The following SPDL1 variants were observed in gnomAD, a reference collection of about 807,000 sequenced individuals.
SPDL1 encodes the protein protein Spindly.
SPDL1 carries 85 observed loss-of-function variants against 79.5 expected under a neutral mutation model. The observed-to-expected ratio is 1.07, with a 90% confidence interval of 0.90 to 1.28. The LOEUF (loss-of-function observed/expected upper bound fraction) is 1.28, where lower values mean the gene tolerates loss of function less well. Ranked by LOEUF, SPDL1 falls within the 50% of genes most tolerant of loss-of-function variation. The pLI is 0.00. For synonymous variants in SPDL1, 269 were observed against 240.3 expected (o/e 1.12, Z -1.10); for missense variants, 703 against 697.8 (o/e 1.01, Z -0.08).
intron 1 of SPDL1, among the ~76,000 whole-genome samples, chr5:169,587,857 C>T (rs116139370): frequency 3.5e-4 from 53 of 152,216 alleles, no homozygotes; most frequent in African/African-American, 1.1e-3. Context: ...GCTAGGACTA[C>T]GGGGGCTTGC....
chr5:169,594,372 A>C (rs1444019915), intron 5 of SPDL1, 22 bp from the exon 6 acceptor site: 3 of 1,613,372 alleles, frequency 1.9e-6, no homozygotes, highest in Non-Finnish European at 1.7e-6. Flanking sequence ...CTGTTGCCTA[A>C]ATTGTTTTCT....
chr5:169,603,390 C>T (rs1430212865), intron 11 of SPDL1, among the ~76,000 whole-genome samples: 4 of 152,098 alleles, frequency 2.6e-5, no homozygotes, highest in African/African-American at 9.7e-5. Context: ...TCTATTCATG[C>T]AGCCCAAGAT....
In SPDL1 at chr5:169,604,411, G is replaced by C; in HGVS notation, c.*204G>C. On this transcript the variant is annotated 3_prime_UTR_variant, in exon 12 of 12. Transcript: ENST00000265295. ...TTCTTAAGTGATGCCCCTTCATGGA[G>C]CTTCTATGACAGTGAATAAACTATT... The C allele has an allele frequency of 2.7e-6, 1 of 366,906 alleles. No individual in the cohort carries two copies. The highest frequency in any genetic ancestry group is 7.0e-4 in the Middle Eastern group (1 of 1,438). The allele number at this position is 366,906 out of a possible 1,614,324, so 22.7% of individuals were successfully genotyped here.
chr5:169,587,871 C>T (rs1051395688), intron 1 of SPDL1, among the ~76,000 whole-genome samples: 4 of 152,124 alleles, frequency 2.6e-5, no homozygotes, highest in African/African-American at 4.8e-5. Flanking sequence ...GGCTTGCCAC[C>T]ATCCCCACCT....
At position 169,594,682 on chromosome 5, in the gene SPDL1, G is replaced by A. The variant is rs752117276; in HGVS notation, c.891+1G>A. 3.1e-6 allele frequency: 5 copies of A among 1,602,988 alleles called. No homozygotes were observed. The highest frequency in any genetic ancestry group is 2.2e-5 in the East Asian group (1 of 44,772). On this transcript the variant is annotated splice_donor_variant, in intron 7 of 11. Transcript: ENST00000265295. LOFTEE classifies it high-confidence loss of function. ...CAGAGAACAGATGCAGAGAATGAAG[G>A]TATAGAACTTTCACTATCAAAGGTT...
chr5:169,586,339 C>A (rs1420330952), intron 1 of SPDL1: 2 of 152,358 alleles, frequency 1.3e-5, no homozygotes, highest in Non-Finnish European at 2.9e-5. Flanking sequence ...TATTGCCTTC[C>A]AGGACAACAC....
rs138692498 is a variant in SPDL1 at position 169,587,388 on chromosome 5, G to A, written c.-23-1006G>A. 4.6e-5 allele frequency: 7 copies of A among 152,272 alleles called. No individual in the cohort carries two copies. In the East Asian group the frequency reaches 7.7e-4, roughly 17 times the overall value. The allele number at this position is 152,272 out of a possible 1,614,324, so 9.4% of individuals were successfully genotyped here. A position where few individuals can be genotyped will look rare whatever the true frequency, so the allele number is the denominator to read the frequency against. On this transcript the variant is annotated intron_variant, in intron 1 of 11. Coordinates refer to ENST00000265295, the MANE Select transcript of SPDL1 (RefSeq NM_017785.5). ...GAAGGCAAAGGTGAGTTTGAGTCTCGCTTAGGAGGCTGGGACCAAATAGTA... is the reference window on the plus strand; with the variant it reads ...GAAGGCAAAGGTGAGTTTGAGTCTCACTTAGGAGGCTGGGACCAAATAGTA...
At chr5:169,591,945 G>C (rs1156925062) in intron 3 of SPDL1, among the ~76,000 whole-genome samples, 1 of 152,178 alleles carries the variant, frequency 6.6e-6, no homozygotes, top group Non-Finnish European at 1.5e-5. Flanking sequence ...AGTGCTTTCA[G>C]GTTGCTTCTG....
intron 11 of SPDL1, among the ~76,000 whole-genome samples, chr5:169,603,725 G>A (rs1385709152): frequency 1.3e-5 from 2 of 152,036 alleles, no homozygotes; most frequent in Admixed American, 6.6e-5. Context: ...GTGGGGGTGC[G>A]CACCTATAGT....
intron 4 of SPDL1, among the ~76,000 whole-genome samples, 168 bp from the exon 5 acceptor site, chr5:169,593,977 A>G (rs1037251222): frequency 1.2e-4 from 19 of 152,230 alleles, no homozygotes; most frequent in Non-Finnish European, 2.8e-4. Flanking sequence ...CCTTGTTGAA[A>G]AATTTAACAG....
intron 2 of SPDL1, chr5:169,590,758 ATTACT>A (rs764878363): frequency 2.0e-6 from 1 of 490,268 alleles, no homozygotes; most frequent in Non-Finnish European, 4.0e-6. Flanking sequence ...GTTAGCAGAG[ATTACT>A]TGACTTGACG....
Position 169,604,340 on chromosome 5 carries a change from C to A in SPDL1, c.*133C>A. On this transcript the variant is annotated 3_prime_UTR_variant, in exon 12 of 12. Transcript: ENST00000265295. ...TGCCAGGACCTGGCATTTTCATGTG[C>A]CTTTGACCAAGTGTTCAGAATTTGC... is the stretch of plus-strand genomic sequence containing the variant. The A allele has an allele frequency of 1.1e-6, 1 of 897,850 alleles. No individual in the cohort carries two copies. Among genetic ancestry groups the A allele is most frequent in the Non-Finnish European group, 1.6e-6 (1 of 634,600 alleles). The allele number at this position is 897,850 out of a possible 1,614,324, so 55.6% of individuals were successfully genotyped here. A position where few individuals can be genotyped will look rare whatever the true frequency, so the allele number is the denominator to read the frequency against.
In SPDL1 at chr5:169,601,581, T is replaced by A; in HGVS notation, c.1626T>A (p.Ala542=). ...CVKLIGVPAD[A]EALSERSGNT... ...AACTCATAGGAGTTCCCGCTGACGCTGAGGCCTTAAGTGAAAGAAGTGGAA... is the reference window on the plus strand; with the variant it reads ...AACTCATAGGAGTTCCCGCTGACGCAGAGGCCTTAAGTGAAAGAAGTGGAA... The change falls in exon 11 of 12, where the codon GCT becomes GCA. Residue 542 remains alanine (A), a synonymous_variant. Coordinates refer to ENST00000265295, the MANE Select transcript of SPDL1 (RefSeq NM_017785.5). The A allele has an allele frequency of 5.0e-6, 8 of 1,614,234 alleles. No individual in the cohort carries two copies. Among genetic ancestry groups the A allele is most frequent in the Non-Finnish European group, 5.9e-6 (7 of 1,180,040 alleles).
chr5:169,589,210 A>G (rs993707227), intron 2 of SPDL1, among the ~76,000 whole-genome samples: 3 of 152,190 alleles, frequency 2.0e-5, no homozygotes, highest in Admixed American at 2.0e-4. Flanking sequence ...ACTACAAAGC[A>G]TGTATCTTTG....
intron 1 of SPDL1, among the ~76,000 whole-genome samples, chr5:169,587,870 C>A (rs1755066732): frequency 6.6e-6 from 1 of 152,170 alleles, no homozygotes; most frequent in Admixed American, 6.5e-5. Context: ...GGGCTTGCCA[C>A]CATCCCCACC....
rs890443887 is a variant in SPDL1 at position 169,583,800 on chromosome 5, C to A, written c.-113C>A. On this transcript the variant is annotated 5_prime_UTR_variant, in exon 1 of 12. Transcript: ENST00000265295. Reference sequence around the variant, plus strand: ...TCGAGAGCTAGCTGAGCGAATGGGCCGGCGACTGTGGAGTTAGCGTCCTCA... The same window carrying A: ...TCGAGAGCTAGCTGAGCGAATGGGCAGGCGACTGTGGAGTTAGCGTCCTCA... 1.3e-5 allele frequency: 2 copies of A among 152,300 alleles called. No homozygotes were observed. Among genetic ancestry groups the A allele is most frequent in the African/African-American group, 2.4e-5 (1 of 41,468 alleles). The allele number at this position is 152,300 out of a possible 1,614,324, so 9.4% of individuals were successfully genotyped here. A position where few individuals can be genotyped will look rare whatever the true frequency, so the allele number is the denominator to read the frequency against.
At chr5:169,593,779 C>T (rs558880854) in intron 4 of SPDL1, among the ~76,000 whole-genome samples, 3 of 152,038 alleles carry the variant, frequency 2.0e-5, no homozygotes, top group Non-Finnish European at 2.9e-5. Context: ...ATTAATGAAA[C>T]GTCTGGAAGA....
intron 10 of SPDL1, among the ~76,000 whole-genome samples, chr5:169,600,975 A>G (rs962558716): frequency 5.9e-5 from 9 of 152,190 alleles, no homozygotes; most frequent in Non-Finnish European, 1.0e-4. Context: ...TCATCTCCAC[A>G]CTGAGATCTT....
intron 6 of SPDL1, 34 bp from the exon 7 acceptor site, chr5:169,594,537 T>A: frequency 6.2e-7 from 1 of 1,611,472 alleles, no homozygotes; most frequent in Non-Finnish European, 8.5e-7. Flanking sequence ...TTTCATTTAC[T>A]ACCAGAACAA....
Sources: allele counts gnomAD v4.1 joint callset (sites outside exome capture counted in the v4.1 genomes callset), GRCh38; gene constraint gnomAD v4.1.1; transcripts MANE v1.5; gene names NCBI Gene and HGNC (gene_info 2026-07-23, HGNC 2026-07-21).